Variants in TAFA1 observed in about 807,000 individuals in gnomAD.
TAFA1 encodes the protein chemokine-like protein TAFA-1.
TAFA1 carries 4 observed loss-of-function variants against 18.5 expected under a neutral mutation model. The observed-to-expected ratio is 0.22, with a 90% CI of 0.11 to 0.49. The LOEUF is 0.49. TAFA1 is among the 20% of genes least tolerant of loss of function. The pLI, the probability that TAFA1 is intolerant of heterozygous loss-of-function variation, is 0.98. For missense variants in TAFA1, 147 were observed against 169.0 expected (o/e 0.87, Z 0.72); for synonymous variants, 56 against 55.2 (o/e 1.01, Z -0.06).
In TAFA1 at chr3:68,416,451, T is replaced by C. The variant is rs146838638; in HGVS notation, c.119-829T>C. On this transcript the variant is annotated intron_variant, in intron 2 of 4. Coordinates refer to ENST00000478136, the MANE Select transcript of TAFA1 (RefSeq NM_213609.4). ...TCTATTCTGAACTCCAAATTTGATGTTGAGAAAGTTGATTCCTGGTTTCTG... is the reference window on the plus strand; with the variant it reads ...TCTATTCTGAACTCCAAATTTGATGCTGAGAAAGTTGATTCCTGGTTTCTG... Among the ~76,000 whole-genome samples the C allele has an allele frequency of 3.8e-3, 579 of 152,314 alleles. 7 individuals carry two copies. The highest frequency in any genetic ancestry group is 0.013 in the African/African-American group (555 of 41,574).
intron 2 of TAFA1, among the ~76,000 whole-genome samples, chr3:68,374,756 T>C (rs2069775047): frequency 6.6e-6 from 1 of 152,198 alleles, no homozygotes; most frequent in South Asian, 2.1e-4. Context: ...CTCCCTGCTG[T>C]TAAGTTACTT....
chr3:68,246,053 C>T (rs1323563742), intron 2 of TAFA1, among the ~76,000 whole-genome samples: 2 of 152,086 alleles, frequency 1.3e-5, no homozygotes, highest in East Asian at 1.9e-4. Context: ...TCAGAGTCAA[C>T]GACGATGTCC....
chr3:68,145,925 G>A (rs1184094737), intron 2 of TAFA1, among the ~76,000 whole-genome samples: 3 of 152,036 alleles, frequency 2.0e-5, no homozygotes, highest in African/African-American at 4.8e-5. Context: ...AATTTCTTTG[G>A]TTTACACAAC....
intron 2 of TAFA1, among the ~76,000 whole-genome samples, chr3:68,208,227 T>G (rs2066550602): frequency 6.6e-6 from 1 of 151,992 alleles, no homozygotes; most frequent in Non-Finnish European, 1.5e-5. Context: ...GGTCATTTTA[T>G]TTCAATAACA....
intron 2 of TAFA1, among the ~76,000 whole-genome samples, chr3:68,289,104 T>C (rs1005918171): frequency 1.3e-5 from 2 of 152,126 alleles, no homozygotes; most frequent in Non-Finnish European, 2.9e-5. Flanking sequence ...GGTGAAGAAA[T>C]AGTATATTTT....
At chr3:68,050,350 A>G (rs933912108) in intron 2 of TAFA1, among the ~76,000 whole-genome samples, 5 of 152,130 alleles carry the variant, frequency 3.3e-5, no homozygotes, top group Non-Finnish European at 7.4e-5. Context: ...ATGCTATGGC[A>G]CTTGCCACTT....
chr3:68,477,077 A>AT (rs764158877), intron 3 of TAFA1, among the ~76,000 whole-genome samples: 2 of 152,126 alleles, frequency 1.3e-5, no homozygotes, highest in East Asian at 3.9e-4. Context: ...CAACTGCTGC[A>AT]TTCCCCCAAG....
chr3:68,198,843 A>C (rs1012363678), intron 2 of TAFA1, among the ~76,000 whole-genome samples: 10 of 151,532 alleles, frequency 6.6e-5, no homozygotes, highest in African/African-American at 1.9e-4. Context: ...TGATATTAAA[A>C]ATATCAGAGA....
intron 2 of TAFA1, among the ~76,000 whole-genome samples, chr3:68,119,351 T>C (rs1330971644): frequency 6.6e-6 from 1 of 152,154 alleles, no homozygotes; most frequent in Non-Finnish European, 1.5e-5. Flanking sequence ...CCACTCTTGA[T>C]TTTTTTCCTT....
intron 3 of TAFA1, 27 bp downstream of exon 3, chr3:68,417,447 A>G: frequency 6.2e-7 from 1 of 1,611,522 alleles, no homozygotes; most frequent in Non-Finnish European, 8.5e-7. Flanking sequence ...ACCTCTTGAA[A>G]AGCTCACATG....
intron 3 of TAFA1, among the ~76,000 whole-genome samples, chr3:68,536,279 C>G (rs2073277425): frequency 6.6e-6 from 1 of 152,200 alleles, no homozygotes; most frequent in African/African-American, 2.4e-5. Flanking sequence ...TCTCATCCCT[C>G]TAGTGAATAC....
chr3:68,004,192 G>A (rs905467906), upstream of TAFA1: 4 of 152,188 alleles, frequency 2.6e-5, no homozygotes, highest in African/African-American at 9.7e-5. Flanking sequence ...CTGTAATAGA[G>A]GGTAATGTCA....
the TAFA1 span, among the ~76,000 whole-genome samples, chr3:67,993,391 G>A: frequency 3.9e-5 from 6 of 152,180 alleles, no homozygotes; most frequent in African/African-American, 7.2e-5. Flanking sequence ...ACTGTAAGGC[G>A]GAAGCAGCAA....
intron 2 of TAFA1, among the ~76,000 whole-genome samples, chr3:68,080,136 C>T (rs911307653): frequency 1.4e-4 from 21 of 152,128 alleles, no homozygotes; most frequent in African/African-American, 5.1e-4. Flanking sequence ...GGATTGCAAC[C>T]CCTGCCTTTT....
chr3:68,219,290 A>T (rs1000591407), intron 2 of TAFA1, among the ~76,000 whole-genome samples: 1 of 152,196 alleles, frequency 6.6e-6, no homozygotes, highest in East Asian at 1.9e-4. Flanking sequence ...GACAAAAACT[A>T]TAACAAAATA....
intron 2 of TAFA1, chr3:68,247,362 G>A (rs376652218): frequency 9.2e-5 from 14 of 152,148 alleles, no homozygotes; most frequent in African/African-American, 3.4e-4. Context: ...CTCCCCAGAT[G>A]TCACCAGCAC....
At chr3:68,162,123 TAATA>T (rs914436962) in intron 2 of TAFA1, among the ~76,000 whole-genome samples, 5 of 152,136 alleles carry the variant, frequency 3.3e-5, no homozygotes, top group Non-Finnish European at 7.3e-5. Flanking sequence ...TAAAGCCTGA[TAATA>T]AATAGCAGAA....
At chr3:68,381,897 G>A (rs1175702229) in intron 2 of TAFA1, among the ~76,000 whole-genome samples, 1 of 152,102 alleles carries the variant, frequency 6.6e-6, no homozygotes, top group Admixed American at 6.6e-5. Flanking sequence ...GTATGATATT[G>A]GCTGTGGGTT....
chr3:68,447,624 A>C (rs1238749903), intron 3 of TAFA1, among the ~76,000 whole-genome samples: 1 of 152,232 alleles, frequency 6.6e-6, no homozygotes, highest in African/African-American at 2.4e-5. Flanking sequence ...TGGTAGTTGA[A>C]AATTTTAAAA....
Sources: gnomAD v4.1 joint callset for allele counts (sites outside exome capture counted in the v4.1 genomes callset) on GRCh38, gnomAD v4.1.1 for gene constraint, MANE v1.5 for transcripts, NCBI Gene and HGNC (gene_info 2026-07-23, HGNC 2026-07-21) for gene names.